Variants in MSH5 observed in about 807,000 individuals in gnomAD.
MSH5 encodes the protein mutS homolog 5, also known as mutS protein homolog 5.
In MSH5, 78 loss-of-function variants were observed where a neutral mutation model predicts 107.7. That is an observed-to-expected ratio of 0.72 (90% CI 0.60 to 0.87). MSH5 has a LOEUF of 0.87. Ranked by LOEUF, MSH5 falls within the 40% of genes least tolerant of loss-of-function variation. MSH5 has a pLI of 0.00. For missense variants in MSH5, 889 were observed against 1,046.6 expected (o/e 0.85, Z 2.08); for synonymous variants, 326 against 399.5 (o/e 0.82, Z 2.19).
chr6:31,748,125 G>A lies in MSH5; in HGVS notation c.812+693G>A, dbSNP rs115579614. Among the ~76,000 whole-genome samples the A allele has an allele frequency of 3.1e-3, 468 of 152,082 alleles. 1 individual carries two copies. The highest frequency in any genetic ancestry group is 0.01 in the African/African-American group (435 of 41,480). ...ATTTGTGTCTCTAGTTTTGAACTCC[G>A]TATGTGAATGTTAATTGCATATCAC... On this transcript the variant is annotated intron_variant, in intron 10 of 24. Coordinates refer to ENST00000375750, the MANE Select transcript of MSH5 (RefSeq NM_172166.4).
At chr6:31,751,890 C>T in intron 10 of MSH5, among the ~76,000 whole-genome samples, 1 of 151,348 alleles carries the variant, frequency 6.6e-6, no homozygotes, top group Non-Finnish European at 1.5e-5. Context: ...CCTGAGGTCA[C>T]GATTTTGAGA....
At chr6:31,744,098 C>T (rs775757039) in intron 6 of MSH5, 73 bp downstream of exon 6, 1 of 1,600,786 alleles carries the variant, frequency 6.2e-7, no homozygotes, top group Non-Finnish European at 8.5e-7. Flanking sequence ...GAGGTACTGG[C>T]CTAGCCCTGG....
chr6:31,761,543 C>G lies in MSH5; in HGVS notation c.2109C>G (p.Ile703Met). The change falls in exon 22 of 25, where the codon ATC becomes ATG. Residue 703 changes from isoleucine to methionine, a missense_variant. By Grantham distance (10) the Ile-to-Met change is conservative. Transcript: ENST00000375750. This position sits in a 1 kb window ranked among gnomAD's most constrained non-coding sequence, Gnocchi z 5.3. Reference sequence around the variant, plus strand: ...CACGTGGACCCACATGCCCCCACATCTTTGTGGCCACCAACTTTCTGAGCC... The same window carrying G: ...CACGTGGACCCACATGCCCCCACATGTTTGTGGCCACCAACTTTCTGAGCC... ...WLARGPTCPH[I>M]FVATNFLSLV... The G allele has an allele frequency of 1.2e-6, 2 of 1,613,972 alleles. No homozygotes were observed. The highest frequency in any genetic ancestry group is 1.7e-6 in the Non-Finnish European group (2 of 1,180,038).
intron 10 of MSH5, among the ~76,000 whole-genome samples, chr6:31,748,237 T>C (rs1809635323): frequency 6.6e-6 from 1 of 151,976 alleles, no homozygotes; most frequent in African/African-American, 2.4e-5. Flanking sequence ...TTCCCTTTGC[T>C]GGTTAATGGC....
intron 10 of MSH5, among the ~76,000 whole-genome samples, chr6:31,748,062 A>G (rs1809620364): frequency 6.6e-6 from 1 of 151,820 alleles, no homozygotes; most frequent in South Asian, 2.1e-4. Context: ...ATCTTTAGTT[A>G]TAGAAAACAC....
chr6:31,760,022 C>T lies in MSH5; in HGVS notation c.1685+47C>T. 6.2e-7 allele frequency: 1 copy of T among 1,611,438 alleles called. No individual in the cohort carries two copies. The highest frequency in any genetic ancestry group is 8.5e-7 in the Non-Finnish European group (1 of 1,178,252). ...GGAATAGACATGAGGGGCCCAAAGG[C>T]TACATCTTCTGGGGGTTCATCTATC... On this transcript the variant is annotated intron_variant, in intron 18 of 24. Transcript: ENST00000375750. The surrounding 1 kb of genome is among the most constrained non-coding windows in gnomAD (Gnocchi z 5.6).
rs147049773 is a variant in MSH5 at position 31,758,791 on chromosome 6, C to G, written c.1242C>G (p.Pro414=). Residue 414 remains proline, a synonymous_variant, in exon 15 of 25, where the codon CCC becomes CCG. Coordinates refer to ENST00000375750, the MANE Select transcript of MSH5 (RefSeq NM_172166.4). The surrounding 1 kb of genome is among the most constrained non-coding windows in gnomAD (Gnocchi z 5.1). ...DEKKRRLMGL[P]SFLTEVARKE... ...AAAAGCGAAGACTGATGGGACTTCC[C>G]AGTTTCCTTACTGAGGTTGCCCGCA... The G allele has an allele frequency of 1.2e-6, 2 of 1,614,194 alleles. No homozygotes were observed. Among genetic ancestry groups the G allele is most frequent in the Admixed American group, 1.7e-5 (1 of 60,014 alleles).
chr6:31,761,760 G>A lies in MSH5; in HGVS notation c.2182-58G>A. ...TCTCCCTCCCCACAGGATTGGCCAA[G>A]GGTTTCAGGACAGGAAGGAGGTGAT... On this transcript the variant is annotated intron_variant, in intron 22 of 24. Coordinates refer to ENST00000375750, the MANE Select transcript of MSH5 (RefSeq NM_172166.4). This position sits in a 1 kb window ranked among gnomAD's most constrained non-coding sequence, Gnocchi z 5.3. 3 of 1,613,042 alleles carry A rather than the reference G, an allele frequency of 1.9e-6. No individual in the cohort carries two copies. Among genetic ancestry groups the A allele is most frequent in the Non-Finnish European group, 2.5e-6 (3 of 1,179,964 alleles).
rs752379332 is a variant in MSH5, at chr6:31,758,114, C to T, written c.1015-51C>T. ...CTTCTGAGTCTGTCCCTATCACCAC[C>T]TCAACCCGAGCTGGATGTGGCCTGT... On this transcript the variant is annotated intron_variant, in intron 12 of 24. Coordinates refer to ENST00000375750, the MANE Select transcript of MSH5 (RefSeq NM_172166.4). This position sits in a 1 kb window ranked among gnomAD's most constrained non-coding sequence, Gnocchi z 5.1. The T allele has an allele frequency of 1.7e-5, 28 of 1,609,884 alleles. No homozygotes were observed. Among genetic ancestry groups the T allele is most frequent in the Non-Finnish European group, 2.4e-5 (28 of 1,177,942 alleles).
At chr6:31,744,127 G>A (rs1313056001) in intron 6 of MSH5, 63 bp from the exon 7 acceptor site, 1 of 1,593,416 alleles carries the variant, frequency 6.3e-7, no homozygotes, top group Non-Finnish European at 8.5e-7. Flanking sequence ...AACTTTCCCT[G>A]GTGCTCTGCA....
intron 12 of MSH5, chr6:31,757,771 G>A (rs994176432): frequency 7.7e-6 from 2 of 259,900 alleles, no homozygotes; most frequent in Admixed American, 5.0e-5. Context: ...CCGGGTTCAA[G>A]AGATTCTCCT....
In MSH5 at chr6:31,759,947, G is replaced by T; in HGVS notation, c.1657G>T (p.Val553Phe). Residue 553 changes from valine (V) to phenylalanine (F), a missense_variant, in exon 18 of 25, where the codon GTC (valine) becomes TTC (phenylalanine). Physicochemically the swap from Val to Phe is conservative, Grantham distance 50. This residue lies in a region of MSH5 where 362 missense variants were observed against 456.2 expected (regional missense o/e 0.79). Coordinates refer to ENST00000375750, the MANE Select transcript of MSH5 (RefSeq NM_172166.4). This position sits in a 1 kb window ranked among gnomAD's most constrained non-coding sequence, Gnocchi z 4.7. Reference sequence around the variant, plus strand: ...CTCAAGGCCGCGTTACTCCCCACAAGTCCTTGGGGTACGAATCCAGAATGG... The same window carrying T: ...CTCAAGGCCGCGTTACTCCCCACAATTCCTTGGGGTACGAATCCAGAATGG... ...GYSRPRYSPQ[V>F]LGVRIQNGRH... 2 of 1,614,204 alleles carry T rather than the reference G, an allele frequency of 1.2e-6. No individual in the cohort carries two copies.
chr6:31,740,460 C>A lies in MSH5; in HGVS notation c.-7C>A. The stretch of plus-strand genomic sequence containing the variant: ...TCACTTTTTGCATCCGCAGAGCCTC[C>A]AAGCTCATGGCCTCCTTAGGAGCGA... On this transcript the variant is annotated 5_prime_UTR_variant, in exon 2 of 25. Coordinates refer to ENST00000375750, the MANE Select transcript of MSH5 (RefSeq NM_172166.4). The surrounding 1 kb of genome is among the most constrained non-coding windows in gnomAD (Gnocchi z 4.4). 6.4e-7 allele frequency: 1 copy of A among 1,559,324 alleles called. No individual in the cohort carries two copies. Among genetic ancestry groups the A allele is most frequent in the East Asian group, 2.4e-5 (1 of 41,162 alleles).
chr6:31,741,624 C>T (rs746936787), intron 3 of MSH5, among the ~76,000 whole-genome samples: 5 of 152,040 alleles, frequency 3.3e-5, no homozygotes, highest in Admixed American at 1.3e-4. Context: ...CCTTGTGATC[C>T]GCCCACCTTG....
At chr6:31,743,326 C>T (rs1809092114) in intron 5 of MSH5, 156 bp downstream of exon 5, 1 of 737,556 alleles carries the variant, frequency 1.4e-6, no homozygotes, top group African/African-American at 1.8e-5. Context: ...AAGATCTCTC[C>T]TGCTCCCTAC....
chr6:31,740,680 G>A lies in MSH5; in HGVS notation c.147+67G>A, dbSNP rs1167916172. ...AAGTTAGAATAAAAGAGGGTTGGGA[G>A]CCGGGCGCGGTGGCTCACACCTGTA... On this transcript the variant is annotated intron_variant, in intron 2 of 24. Transcript: ENST00000375750. This position sits in a 1 kb window ranked among gnomAD's most constrained non-coding sequence, Gnocchi z 4.4. The A allele has an allele frequency of 1.3e-5, 19 of 1,425,956 alleles. No individual in the cohort carries two copies. Among genetic ancestry groups the A allele is most frequent in the South Asian group, 6.0e-5 (4 of 66,982 alleles). The allele number at this position is 1,425,956 out of a possible 1,614,324, so 88.3% of individuals were successfully genotyped here.
chr6:31,753,269 TGTA>T, intron 10 of MSH5, 29 bp from the exon 11 acceptor site: 1 of 1,569,264 alleles, frequency 6.4e-7, no homozygotes. Flanking sequence ...AGATGTAACT[TGTA>T]GTACCCCCAC....
intron 10 of MSH5, among the ~76,000 whole-genome samples, chr6:31,749,556 G>A (rs1809771670): frequency 6.6e-6 from 1 of 151,176 alleles, no homozygotes; most frequent in Non-Finnish European, 1.5e-5. Flanking sequence ...AAAAAAAAAA[G>A]TGCATCCTCT....
At chr6:31,742,838 A>G in intron 3 of MSH5, 39 bp from the exon 4 acceptor site, 1 of 1,597,036 alleles carries the variant, frequency 6.3e-7, no homozygotes, top group Non-Finnish European at 8.6e-7. Flanking sequence ...TCAAAGACAA[A>G]GATCCTTTAA....
Sources: gnomAD v4.1 joint callset for allele counts (sites outside exome capture counted in the v4.1 genomes callset) on GRCh38, gnomAD v4.1.1 for gene constraint, gnomAD v4.1.1 regional missense constraint, Gnocchi (gnomAD v3.1) non-coding constraint, MANE v1.5 for transcripts, NCBI Gene and HGNC (gene_info 2026-07-23, HGNC 2026-07-21) for gene names.